Variants in ACTR1A observed in about 807,000 individuals in gnomAD.
ACTR1A encodes actin related protein 1A, also known as alpha-centractin.
In ACTR1A, 10 loss-of-function variants were observed where a neutral mutation model predicts 50.7. The ratio of observed to expected loss-of-function variants is 0.20; its 90% CI spans 0.12 to 0.33. ACTR1A has a LOEUF of 0.33. Ranked by LOEUF, ACTR1A falls within the 10% of genes least tolerant of loss-of-function variation. The probability of loss-of-function intolerance (pLI) is 1.00; values close to 1 mark genes in which losing one functional copy is unlikely to be tolerated. For synonymous variants in ACTR1A, 177 were observed against 184.2 expected, an observed-to-expected ratio of 0.96 and a Z score of 0.32; for missense variants, 253 against 491.7, an observed-to-expected ratio of 0.51 and a Z score of 4.59.
At chr10:102,493,454 G>A (rs2062205376) in intron 1 of ACTR1A, among the ~76,000 whole-genome samples, 1 of 152,192 alleles carries the variant, frequency 6.6e-6, no homozygotes, top group Non-Finnish European at 1.5e-5. Context: ...TTTATTTTTA[G>A]TTTACTAGCA....
chr10:102,481,126 A>G lies in ACTR1A; in HGVS notation c.1028+6T>C, dbSNP rs773782504. The G allele has an allele frequency of 6.2e-7, 1 of 1,607,646 alleles. No individual in the cohort carries two copies. The highest frequency in any genetic ancestry group is 8.5e-7 in the Non-Finnish European group (1 of 1,176,258). ...TTCTGTTCTTACTCCTGGAAGAGCT[A>G]CTCACCCAATCCACGTGGAATACAG... On this transcript the variant is annotated splice_donor_region_variant and intron_variant, in intron 10 of 10. Transcript: ENST00000369905.
chr10:102,495,537 C>G (rs1429284168), intron 1 of ACTR1A, among the ~76,000 whole-genome samples: 5 of 150,174 alleles, frequency 3.3e-5, no homozygotes, highest in Non-Finnish European at 7.4e-5. Context: ...CGACTGCACT[C>G]CAGCCTGGAC....
In ACTR1A at chr10:102,482,123, A is replaced by G. The variant is rs747885479; in HGVS notation, c.803T>C (p.Ile268Thr). 1.2e-6 allele frequency: 2 copies of G among 1,614,092 alleles called. No individual in the cohort carries two copies. The highest frequency in any genetic ancestry group is 2.2e-5 in the East Asian group (1 of 44,866). ...APELLFRPDLIGEESEGIHEV... is the reference protein window; with the variant it reads ...APELLFRPDLTGEESEGIHEV... Reference sequence around the variant, plus strand: ...GTGGATGCCTTCACTCTCCTCTCCAATCAAATCTGGCCTGAAGAGCAACTC... The same window carrying G: ...GTGGATGCCTTCACTCTCCTCTCCAGTCAAATCTGGCCTGAAGAGCAACTC... The change falls in exon 8 of 11, where the codon ATT becomes ACT. Residue 268 changes from isoleucine to threonine, a missense_variant. Coordinates refer to ENST00000369905, the MANE Select transcript of ACTR1A (RefSeq NM_005736.4). This position sits in a 1 kb window ranked among gnomAD's most constrained non-coding sequence, Gnocchi z 5.6.
chr10:102,485,611 G>A lies in ACTR1A; in HGVS notation c.438C>T (p.Ser146=), dbSNP rs2062163845. Residue 146 remains serine (S), a splice_region_variant and synonymous_variant, in exon 5 of 11, where the codon AGC becomes AGT. Transcript: ENST00000369905. ...ALFISMQAVL[S]LYATGRTTGV... is the part of the protein sequence containing the mutation. ...CGGGCTAGCCAGCTGCTACTCACAG[G>A]CTGAGTACAGCTTGCATGGAGATGA... is the stretch of plus-strand genomic sequence containing the variant. 4 of 1,613,760 alleles carry A rather than the reference G, an allele frequency of 2.5e-6. No individual in the cohort carries two copies.
At position 102,479,759 on chromosome 10, in the gene ACTR1A, C is replaced by A; in HGVS notation, c.*1104G>T. The A allele has an allele frequency of 9.1e-7, 1 of 1,095,722 alleles. No individual in the cohort carries two copies. Among genetic ancestry groups the A allele is most frequent in the South Asian group, 1.4e-5 (1 of 72,452 alleles). The allele number at this position is 1,095,722 out of a possible 1,614,324, so 67.9% of individuals were successfully genotyped here. On this transcript the variant is annotated 3_prime_UTR_variant, in exon 11 of 11. Transcript: ENST00000369905. This position sits in a 1 kb window ranked among gnomAD's most constrained non-coding sequence, Gnocchi z 4.0. The stretch of plus-strand genomic sequence containing the variant: ...TTGCAGCTTTCTCCAGTCTTAAGGG[C>A]ACTGGCTCTCCAACACCCCTCCCTT...
At chr10:102,498,874 C>G (rs1005409729) in intron 1 of ACTR1A, among the ~76,000 whole-genome samples, 15 of 152,098 alleles carry the variant, frequency 9.9e-5, no homozygotes, top group Non-Finnish European at 2.2e-4. Context: ...TTACACTATT[C>G]TCTATGTCTT....
chr10:102,489,155 G>A lies in ACTR1A; in HGVS notation c.114-17C>T. 1 of 1,535,128 alleles carries A rather than the reference G, an allele frequency of 6.5e-7. No individual in the cohort carries two copies. The highest frequency in any genetic ancestry group is 8.8e-7 in the Non-Finnish European group (1 of 1,138,490). On this transcript the variant is annotated splice_polypyrimidine_tract_variant and intron_variant, in intron 2 of 10. Transcript: ENST00000369905. Reference sequence around the variant, plus strand: ...CGGCCCACACTAGAAAAGACAGTGAGGAGGACCATCATTTTTCATTTCATG... The same window carrying A: ...CGGCCCACACTAGAAAAGACAGTGAAGAGGACCATCATTTTTCATTTCATG...
chr10:102,479,806 A>C lies in ACTR1A; in HGVS notation c.*1057T>G. On this transcript the variant is annotated 3_prime_UTR_variant, in exon 11 of 11. Coordinates refer to ENST00000369905, the MANE Select transcript of ACTR1A (RefSeq NM_005736.4). The surrounding 1 kb of genome is among the most constrained non-coding windows in gnomAD (Gnocchi z 4.0). ...CCTTGCTTAGGGGCCTCTGCCAAAGAAAAATTTTACCTCCTGTTTCAGAAA... is the reference window on the plus strand; with the variant it reads ...CCTTGCTTAGGGGCCTCTGCCAAAGCAAAATTTTACCTCCTGTTTCAGAAA... The C allele has an allele frequency of 1.6e-6, 1 of 617,380 alleles. No homozygotes were observed. The highest frequency in any genetic ancestry group is 2.4e-6 in the Non-Finnish European group (1 of 420,456). 38.2% of individuals were successfully genotyped at this position (617,380 alleles called of 1,614,324 possible).
At chr10:102,484,721 G>A (rs924037683) in intron 5 of ACTR1A, among the ~76,000 whole-genome samples, 1 of 152,172 alleles carries the variant, frequency 6.6e-6, no homozygotes, top group African/African-American at 2.4e-5. Flanking sequence ...CAGGGGCCAG[G>A]CAGGAAAAGT....
intron 1 of ACTR1A, among the ~76,000 whole-genome samples, chr10:102,496,624 G>C (rs2062223774): frequency 6.6e-6 from 1 of 152,180 alleles, no homozygotes; most frequent in African/African-American, 2.4e-5. Flanking sequence ...TGCTGAAGCT[G>C]TACAACCAAC....
At chr10:102,494,636 A>AAACC (rs200989563) in intron 1 of ACTR1A, among the ~76,000 whole-genome samples, 141 of 150,672 alleles carry the variant, frequency 9.4e-4, no homozygotes, top group African/African-American at 3.2e-3. Context: ...CCCTGTCTCA[A>AAACC]AACCAACCAA....
At chr10:102,486,790 C>CT (rs201428036) in intron 4 of ACTR1A, among the ~76,000 whole-genome samples, 44,480 of 144,324 alleles carry the variant, frequency 0.31, 6,920 homozygotes, top group Admixed American at 0.36. Flanking sequence ...TTCTTTCTTT[C>CT]TTTTTTTTTT....
At chr10:102,495,695 A>G (rs1247117673) in intron 1 of ACTR1A, among the ~76,000 whole-genome samples, 2 of 151,144 alleles carry the variant, frequency 1.3e-5, no homozygotes, top group African/African-American at 2.4e-5. Context: ...CGCCACTGCA[A>G]TTTAGCCTGG....
At chr10:102,502,533 C>G in intron 1 of ACTR1A, 67 bp downstream of exon 1, 1 of 1,581,946 alleles carries the variant, frequency 6.3e-7, no homozygotes, top group East Asian at 2.2e-5. Flanking sequence ...CAGGCTGAAC[C>G]CCGGGAAGCG....
chr10:102,480,636 G>T lies in ACTR1A; in HGVS notation c.*227C>A. 1.7e-6 allele frequency: 1 copy of T among 573,366 alleles called. No homozygotes were observed. The highest frequency in any genetic ancestry group is 3.1e-6 in the Non-Finnish European group (1 of 320,760). The allele number at this position is 573,366 out of a possible 1,614,324, so 35.5% of individuals were successfully genotyped here. On this transcript the variant is annotated 3_prime_UTR_variant, in exon 11 of 11. Coordinates refer to ENST00000369905, the MANE Select transcript of ACTR1A (RefSeq NM_005736.4). ...CTCTGCCAGCGCTCTTCCCTGTCAG[G>T]AGCCAGTTAGTGGTCAACCCCAGGC...
intron 1 of ACTR1A, among the ~76,000 whole-genome samples, chr10:102,494,129 G>T (rs1261611663): frequency 2.0e-5 from 3 of 152,252 alleles, no homozygotes; most frequent in African/African-American, 7.2e-5. Context: ...TGTGTACCTG[G>T]CAAATAAGCT....
At chr10:102,483,538 A>T (rs1212405467) in intron 6 of ACTR1A, 1 of 159,154 alleles carries the variant, frequency 6.3e-6, no homozygotes, top group Admixed American at 6.1e-5. Flanking sequence ...ATGTTAAAAA[A>T]ATAAAAATAA....
rs1000362988 is a variant in ACTR1A at position 102,479,418 on chromosome 10, G to C, written c.*1445C>G. On this transcript the variant is annotated 3_prime_UTR_variant, in exon 11 of 11. Transcript: ENST00000369905. This position sits in a 1 kb window ranked among gnomAD's most constrained non-coding sequence, Gnocchi z 4.0. The stretch of plus-strand genomic sequence containing the variant: ...CTGCTGTGGCCCACACCTGGCAGGG[G>C]CCTTTGGTCATAGGACGGCGTGGGG... 2 of 379,532 alleles carry C rather than the reference G, an allele frequency of 5.3e-6. No individual in the cohort carries two copies. Among genetic ancestry groups the C allele is most frequent in the African/African-American group, 2.1e-5 (1 of 47,216 alleles). 23.5% of individuals were successfully genotyped at this position (379,532 alleles called of 1,614,324 possible). A position where few individuals can be genotyped will look rare whatever the true frequency, so the allele number is the denominator to read the frequency against.
At position 102,502,600 on chromosome 10, in the gene ACTR1A, G is replaced by A. The variant is rs759623167; in HGVS notation, c.48C>T (p.Asn16=). ...TATAGATAGGAAAGACGCAACTCAC[G>A]TTGTCGATCACGACAGGCTGGTTGG... ...VIANQPVVID[N]GSGVIKAGFA... is the part of the protein sequence containing the mutation. Residue 16 remains asparagine, a splice_region_variant and synonymous_variant, in exon 1 of 11, where the codon AAC becomes AAT. Transcript: ENST00000369905. 1.9e-6 allele frequency: 3 copies of A among 1,614,228 alleles called. No homozygotes were observed. Among genetic ancestry groups the A allele is most frequent in the Non-Finnish European group, 1.7e-6 (2 of 1,180,022 alleles).
Sources: gnomAD v4.1 joint callset for allele counts (sites outside exome capture counted in the v4.1 genomes callset) on GRCh38, gnomAD v4.1.1 for gene constraint, Gnocchi (gnomAD v3.1) non-coding constraint, MANE v1.5 for transcripts, NCBI Gene and HGNC (gene_info 2026-07-23, HGNC 2026-07-21) for gene names.